Variants in SEZ6L observed in about 807,000 individuals in gnomAD.
SEZ6L encodes the protein seizure 6-like protein.
In SEZ6L, 37 loss-of-function variants were observed where a neutral mutation model predicts 106.2. The ratio of observed to expected loss-of-function variants is 0.35; its 90% CI spans 0.27 to 0.46. SEZ6L has a LOEUF of 0.46. Among genes scored for constraint, SEZ6L ranks in the 20% least tolerant of loss-of-function variants. The pLI is 1.00. For synonymous variants in SEZ6L, 541 were observed against 570.4 expected, an observed-to-expected ratio of 0.95 and a Z score of 0.73; for missense variants, 1,172 against 1,332.8, an observed-to-expected ratio of 0.88 and a Z score of 1.88.
intron 1 of SEZ6L, among the ~76,000 whole-genome samples, chr22:26,179,071 A>T (rs559718847): frequency 1.4e-4 from 21 of 152,226 alleles, no homozygotes; most frequent in African/African-American, 4.6e-4. Flanking sequence ...TAGAGGTCCC[A>T]TGAATGCAAT....
intron 5 of SEZ6L, among the ~76,000 whole-genome samples, chr22:26,305,449 C>G (rs970920405): frequency 3.9e-5 from 6 of 152,192 alleles, no homozygotes; most frequent in South Asian, 2.1e-4. Flanking sequence ...TTCCCATCAC[C>G]CTTACCATCT....
chr22:26,242,356 C>T (rs560474015), intron 1 of SEZ6L, among the ~76,000 whole-genome samples: 24 of 152,362 alleles, frequency 1.6e-4, no homozygotes, highest in Middle Eastern at 3.4e-3. Context: ...GCTCAAGCCC[C>T]TCCCTGGCTG....
chr22:26,265,346 C>T (rs188406971), intron 1 of SEZ6L, among the ~76,000 whole-genome samples: 2 of 152,238 alleles, frequency 1.3e-5, no homozygotes, highest in African/African-American at 2.4e-5. Context: ...ACCTCCCGCA[C>T]GCAAGTTCTG....
intron 14 of SEZ6L, among the ~76,000 whole-genome samples, chr22:26,375,152 C>T (rs1245548943): frequency 3.3e-5 from 5 of 152,100 alleles, no homozygotes; most frequent in African/African-American, 1.2e-4. Context: ...CAGATTCGCC[C>T]ACCACTCCTG....
intron 9 of SEZ6L, among the ~76,000 whole-genome samples, chr22:26,332,881 T>C (rs1246560007): frequency 6.6e-6 from 1 of 152,240 alleles, no homozygotes; most frequent in Non-Finnish European, 1.5e-5. Flanking sequence ...ATCTCAAGCT[T>C]TGGCATCAAA....
chr22:26,265,637 G>A (rs1342106592), intron 1 of SEZ6L, among the ~76,000 whole-genome samples: 3 of 152,178 alleles, frequency 2.0e-5, no homozygotes, highest in Admixed American at 6.5e-5. Context: ...CTTCTTTAGA[G>A]CTAACCTGGT....
At chr22:26,336,023 A>G (rs2082634066) in intron 9 of SEZ6L, among the ~76,000 whole-genome samples, 1 of 152,080 alleles carries the variant, frequency 6.6e-6, no homozygotes, top group Admixed American at 6.6e-5. Flanking sequence ...CTTCTCTTAT[A>G]TAAGCTAGAG....
At chr22:26,195,370 C>T (rs1375725298) in intron 1 of SEZ6L, among the ~76,000 whole-genome samples, 1 of 152,204 alleles carries the variant, frequency 6.6e-6, no homozygotes, top group Non-Finnish European at 1.5e-5. Context: ...TCGCCACTGC[C>T]TACCTATGTG....
chr22:26,231,987 C>T (rs978050582), intron 1 of SEZ6L, among the ~76,000 whole-genome samples: 1 of 152,158 alleles, frequency 6.6e-6, no homozygotes, highest in South Asian at 2.1e-4. Context: ...CCACAGCACT[C>T]CATGGGGCAC....
Position 26,268,572 on chromosome 22 carries a change from A to G in SEZ6L, c.95-23834A>G, listed in dbSNP as rs573009292. Among the ~76,000 whole-genome samples, 15 of 152,332 alleles carry G rather than the reference A, an allele frequency of 9.8e-5. No homozygotes were observed. In the East Asian group the frequency reaches 2.3e-3, roughly 23 times the overall value. On this transcript the variant is annotated intron_variant, in intron 1 of 16. Transcript: ENST00000248933. ...CCAAGAATTCCCCGGAGGCATCCCA[A>G]TGAATTCAGAATAAAATCTGATAAG...
In SEZ6L at chr22:26,382,364, T is replaced by C. The variant is rs75170824; in HGVS notation, c.*2069T>C. On this transcript the variant is annotated 3_prime_UTR_variant, in exon 17 of 17. Transcript: ENST00000248933. ...GAACTCTATGAATAATATTTGATTT[T>C]ACAACGTGTTATGGTTATGTGAAAA... is the stretch of plus-strand genomic sequence containing the variant. 5.1e-4 allele frequency: 87 copies of C among 170,278 alleles called. No individual in the cohort carries two copies. The highest frequency in any genetic ancestry group is 2.0e-3 in the African/African-American group (85 of 42,038). The allele number at this position is 170,278 out of a possible 1,614,324, so 10.5% of individuals were successfully genotyped here. A position where few individuals can be genotyped will look rare whatever the true frequency, so the allele number is the denominator to read the frequency against.
chr22:26,246,102 G>A (rs74362858), intron 1 of SEZ6L, among the ~76,000 whole-genome samples: 3,274 of 152,286 alleles, frequency 0.021, 77 homozygotes, highest in Non-Finnish European at 0.027. Context: ...CTTATTAGGC[G>A]AGGTAGTCCT....
chr22:26,371,194 T>C (rs2084023186), intron 13 of SEZ6L, among the ~76,000 whole-genome samples: 1 of 152,176 alleles, frequency 6.6e-6, no homozygotes, highest in Non-Finnish European at 1.5e-5. Context: ...TTTTTGTTTG[T>C]TTTGTTTTGC....
intron 12 of SEZ6L, among the ~76,000 whole-genome samples, chr22:26,356,748 A>G (rs2083450046): frequency 6.6e-6 from 1 of 151,854 alleles, no homozygotes; most frequent in African/African-American, 2.4e-5. Flanking sequence ...AATCTTCTTA[A>G]ACGTTAGGAT....
chr22:26,320,077 G>C (rs1039103060), intron 9 of SEZ6L, among the ~76,000 whole-genome samples: 7 of 152,150 alleles, frequency 4.6e-5, no homozygotes, highest in African/African-American at 1.2e-4. Flanking sequence ...AAAATTATCA[G>C]GTAAAGTATT....
At chr22:26,352,160 C>A (rs201212185) in intron 12 of SEZ6L, among the ~76,000 whole-genome samples, 278 of 121,010 alleles carry the variant, frequency 2.3e-3, no homozygotes, top group Middle Eastern at 4.4e-3. Flanking sequence ...GACCCTGCCT[C>A]AAAAAAAAAA....
At chr22:26,376,587 T>TA (rs2084232459) in intron 15 of SEZ6L, among the ~76,000 whole-genome samples, 2 of 151,788 alleles carry the variant, frequency 1.3e-5, no homozygotes, top group Admixed American at 1.3e-4. Context: ...ACTAAAAAAA[T>TA]AAAAAATAAA....
chr22:26,225,710 C>G (rs5997055), intron 1 of SEZ6L, among the ~76,000 whole-genome samples: 91,057 of 151,998 alleles, frequency 0.6, 27,519 homozygotes, highest in South Asian at 0.72. Context: ...TGGGACTCCA[C>G]GAGAAACCTT....
intron 5 of SEZ6L, among the ~76,000 whole-genome samples, chr22:26,302,623 A>C (rs2081490806): frequency 6.6e-6 from 1 of 152,236 alleles, no homozygotes; most frequent in Admixed American, 6.5e-5. Flanking sequence ...TTGTTCCCCC[A>C]AGGCCCTTCA....
Sources: allele counts gnomAD v4.1 joint callset (sites outside exome capture counted in the v4.1 genomes callset), GRCh38; gene constraint gnomAD v4.1.1; transcripts MANE v1.5; gene names NCBI Gene and HGNC (gene_info 2026-07-23, HGNC 2026-07-21).